The following DHRSX variants were observed in gnomAD, a reference collection of about 807,000 sequenced individuals.
DHRSX encodes the protein polyprenol dehydrogenase.
A neutral mutation model predicts 34.0 loss-of-function variants in DHRSX; 31 were observed. That is an observed-to-expected ratio of 0.91 (90% CI 0.69 to 1.23). The LOEUF (loss-of-function observed/expected upper bound fraction) is 1.23. DHRSX is among the 50% of genes most tolerant of loss of function. The pLI is 0.00. For synonymous variants in DHRSX, 201 were observed against 183.8 expected (o/e 1.09, Z -0.76); for missense variants, 414 against 428.1 (o/e 0.97, Z 0.29).
chrX:2,389,395 G>C (rs2043308999), intron 3 of DHRSX, among the ~76,000 whole-genome samples: 2 of 152,006 alleles, frequency 1.3e-5, no homozygotes, highest in South Asian at 4.2e-4. Context: ...TCTGTTTTGT[G>C]ATGAAAGTGA....
chrX:2,371,541 G>A (rs77340248), intron 3 of DHRSX, among the ~76,000 whole-genome samples: 1 of 51,818 alleles, frequency 1.9e-5, no homozygotes, highest in Non-Finnish European at 6.1e-5. Context: ...ACCATAGTCC[G>A]TCCTTCTGTT....
rs755421938 is a variant in DHRSX, at chrX:2,243,004, AG to A, written c.804+18del. 1 of 1,608,378 alleles carries A rather than the reference AG, an allele frequency of 6.2e-7. No individual in the cohort carries two copies. The highest frequency in any genetic ancestry group is 8.5e-7 in the Non-Finnish European group (1 of 1,176,102). ...ATCTTCAGGTGCAGCCGTGAATCAG[AG>A]AAGCAGAAGGGGCTTACCTTGAAAA... On this transcript the variant is annotated intron_variant, in intron 6 of 6. Coordinates refer to ENST00000334651, the MANE Select transcript of DHRSX (RefSeq NM_145177.3).
chrX:2,464,574 G>A (rs965505435), intron 1 of DHRSX, among the ~76,000 whole-genome samples: 5 of 150,238 alleles, frequency 3.3e-5, no homozygotes, highest in Non-Finnish European at 7.4e-5. Context: ...CACTGAAGAC[G>A]CTCCCTAAGA....
At chrX:2,231,753 GTCC>G (rs2015890917) in intron 6 of DHRSX, among the ~76,000 whole-genome samples, 2 of 130,392 alleles carry the variant, frequency 1.5e-5, no homozygotes, top group African/African-American at 5.9e-5. Flanking sequence ...CCTCCACCTC[GTCC>G]TCTTCCTCCT....
chrX:2,252,620 G>C (rs1224751989), intron 5 of DHRSX, among the ~76,000 whole-genome samples: 1 of 152,180 alleles, frequency 6.6e-6, no homozygotes, highest in Non-Finnish European at 1.5e-5. Context: ...GGTTGGTTCT[G>C]TAATTATGGT....
chrX:2,485,682 A>G (rs1298682985), intron 1 of DHRSX, among the ~76,000 whole-genome samples: 1 of 59,214 alleles, frequency 1.7e-5, no homozygotes, highest in Non-Finnish European at 3.0e-5. Context: ...GAGGGGAGGA[A>G]AGGGAGGCAG....
At chrX:2,464,556 C>T (rs1362021809) in intron 1 of DHRSX, among the ~76,000 whole-genome samples, 1 of 148,890 alleles carries the variant, frequency 6.7e-6, no homozygotes, top group Non-Finnish European at 1.5e-5. Flanking sequence ...GGACCCCCGC[C>T]ATGTTCGCAC....
At chrX:2,400,901 A>T (rs1033358199) in intron 3 of DHRSX, among the ~76,000 whole-genome samples, 4 of 152,168 alleles carry the variant, frequency 2.6e-5, no homozygotes, top group African/African-American at 9.7e-5. Context: ...GTTCACAAAG[A>T]TCTATTTTCA....
chrX:2,427,416 C>G (rs1236687757), intron 1 of DHRSX, among the ~76,000 whole-genome samples: 1 of 152,180 alleles, frequency 6.6e-6, no homozygotes, highest in African/African-American at 2.4e-5. Context: ...GGAGAATCCA[C>G]TTGAGCTGGA....
intron 1 of DHRSX, chrX:2,488,855 AAGAGACGCTC>A: frequency 6.2e-7 from 1 of 1,613,674 alleles, no homozygotes; most frequent in Non-Finnish European, 8.5e-7. Flanking sequence ...GGCGGATCCG[AAGAGACGCTC>A]AGGGGCGACG....
intron 3 of DHRSX, among the ~76,000 whole-genome samples, chrX:2,350,137 G>C (rs758044162): frequency 6.6e-6 from 1 of 152,288 alleles, no homozygotes; most frequent in African/African-American, 2.4e-5. Context: ...CTTGCAGTTA[G>C]TTAGGAGTTT....
intron 3 of DHRSX, among the ~76,000 whole-genome samples, chrX:2,399,344 A>G (rs2043455099): frequency 6.6e-6 from 1 of 151,840 alleles, no homozygotes; most frequent in Non-Finnish European, 1.5e-5. Context: ...TCTCGAAAAC[A>G]TGAAAGAAAC....
rs189043648 is a variant in DHRSX at position 2,469,026 on chromosome X, T to G, written c.109+31791A>C. On this transcript the variant is annotated intron_variant, in intron 1 of 6. Transcript: ENST00000334651. ...AAAAGACAGCACTGAAGACATTCCC[T>G]AGGCACGTGGCTGAGGGGCCTCCGC... 8.6e-4 allele frequency among the ~76,000 whole-genome samples: 130 copies of G among 150,762 alleles called. 1 individual carries two copies. In the East Asian group the frequency reaches 0.02, roughly 23 times the overall value.
chrX:2,386,455 G>A (rs1334500104), intron 3 of DHRSX, among the ~76,000 whole-genome samples: 1 of 152,116 alleles, frequency 6.6e-6, no homozygotes, highest in African/African-American at 2.4e-5. Flanking sequence ...TGGACCTCAG[G>A]TGACCCGCCC....
In DHRSX at chrX:2,472,283, C is replaced by T. The variant is rs371188460; in HGVS notation, c.109+28534G>A. Among the ~76,000 whole-genome samples, 6 of 152,034 alleles carry T rather than the reference C, an allele frequency of 3.9e-5. No individual in the cohort carries two copies. The East Asian group carries it at 1.2e-3, about 29-fold the overall frequency. On this transcript the variant is annotated intron_variant, in intron 1 of 6. Transcript: ENST00000334651. ...TGATAAGTGACAGCTAAACATTGGG[C>T]ACTGGTGGATATAAAGAAGGGAACA...
rs190230944 is a variant in DHRSX, at chrX:2,259,802, C to T, written c.596+6938G>A. On this transcript the variant is annotated intron_variant, in intron 5 of 6. Transcript: ENST00000334651. ...GCCTCCGTCTCCACGTGGACTTCTC[C>T]TCTGTGTCTGTGTCTCCTCTTCTGT... 2.5e-4 allele frequency among the ~76,000 whole-genome samples: 38 copies of T among 151,698 alleles called. No individual in the cohort carries two copies. In the East Asian group the frequency reaches 6.8e-3, roughly 27 times the overall value.
Position 2,414,170 on chromosome X carries a change from A to G in DHRSX, c.218-5357T>C, listed in dbSNP as rs191818509. 3.3e-5 allele frequency among the ~76,000 whole-genome samples: 5 copies of G among 152,192 alleles called. No individual in the cohort carries two copies. In the East Asian group the frequency reaches 9.7e-4, roughly 29 times the overall value. ...TGACTGACTATGACTAGATTTCATC[A>G]TGACCAACCCAACTACCTCATCGTG... On this transcript the variant is annotated intron_variant, in intron 2 of 6. Coordinates refer to ENST00000334651, the MANE Select transcript of DHRSX (RefSeq NM_145177.3).
At chrX:2,463,142 G>A (rs1034854223) in intron 1 of DHRSX, among the ~76,000 whole-genome samples, 2 of 152,180 alleles carry the variant, frequency 1.3e-5, no homozygotes, top group Admixed American at 6.5e-5. Context: ...AGAACTGTGA[G>A]TGATAAATGT....
intron 1 of DHRSX, among the ~76,000 whole-genome samples, chrX:2,442,546 C>T (rs1455882341): frequency 2.6e-5 from 4 of 151,674 alleles, no homozygotes; most frequent in Admixed American, 6.6e-5. Context: ...TGGCCATCAG[C>T]GTCACGCCTA....
Sources: allele counts gnomAD v4.1 joint callset (sites outside exome capture counted in the v4.1 genomes callset), GRCh38; gene constraint gnomAD v4.1.1; transcripts MANE v1.5; gene names NCBI Gene and HGNC (gene_info 2026-07-23, HGNC 2026-07-21).